The following SCRG1 variants were observed in gnomAD, a reference collection of about 807,000 sequenced individuals.
SCRG1 encodes the protein scrapie-responsive protein 1.
In SCRG1, 3 loss-of-function variants were observed where a neutral mutation model predicts 7.7. The ratio of observed to expected loss-of-function variants is 0.39; its 90% confidence interval spans 0.18 to 1.01. SCRG1 has a LOEUF of 1.01. Ranked by LOEUF, SCRG1 falls within the 50% of genes least tolerant of loss-of-function variation. The pLI is 0.36. For synonymous variants in SCRG1, 46 were observed against 41.2 expected (o/e 1.12, Z -0.44); for missense variants, 110 against 117.2 (o/e 0.94, Z 0.28).
the SCRG1 span, among the ~76,000 whole-genome samples, chr4:173,454,055 G>A: frequency 1.9e-4 from 28 of 147,704 alleles, no homozygotes; most frequent in East Asian, 4.0e-4. Context: ...TCTGGCCTGC[G>A]TGACAGAACG....
chr4:173,450,255 G>T, the SCRG1 span, among the ~76,000 whole-genome samples: 1 of 152,064 alleles, frequency 6.6e-6, no homozygotes, highest in African/African-American at 2.4e-5. Flanking sequence ...GAGGGAAACC[G>T]CCCCCATGAT....
At chr4:173,507,722 C>T in the SCRG1 span, among the ~76,000 whole-genome samples, 1 of 152,144 alleles carries the variant, frequency 6.6e-6, no homozygotes, top group Admixed American at 6.5e-5. The surrounding 1 kb of genome is among the most constrained non-coding windows in gnomAD (Gnocchi z 4.4). Flanking sequence ...CCAACAACCC[C>T]GCAGGATGAG....
In SCRG1 at chr4:173,386,349, C is replaced by T. The variant is rs991481113; in HGVS notation, c.*1992G>A. The T allele has an allele frequency of 4.0e-5, 6 of 149,128 alleles. No individual in the cohort carries two copies. The highest frequency in any genetic ancestry group is 2.1e-4 in the South Asian group (1 of 4,730). 9.2% of individuals were successfully genotyped at this position (149,128 alleles called of 1,614,324 possible). A position where few individuals can be genotyped will look rare whatever the true frequency, so the allele number is the denominator to read the frequency against. On this transcript the variant is annotated 3_prime_UTR_variant, in exon 3 of 3. Transcript: ENST00000296506. ...ATTTTTAGTAGAGACGAGGTTTCACCGTATTAGCCAGGATGGTCTTGATCT... is the reference window on the plus strand; with the variant it reads ...ATTTTTAGTAGAGACGAGGTTTCACTGTATTAGCCAGGATGGTCTTGATCT...
the SCRG1 span, among the ~76,000 whole-genome samples, chr4:173,430,441 A>G: frequency 3.3e-5 from 5 of 152,184 alleles, no homozygotes; most frequent in Non-Finnish European, 7.4e-5. Flanking sequence ...TAGGTTGCAC[A>G]GGAGTCCTAT....
chr4:173,418,794 T>C, the SCRG1 span, among the ~76,000 whole-genome samples: 2 of 152,140 alleles, frequency 1.3e-5, no homozygotes, highest in Non-Finnish European at 2.9e-5. Flanking sequence ...ATGAGATCTG[T>C]TTGTTTAAAA....
chr4:173,388,097 A>G lies in SCRG1; in HGVS notation c.*244T>C. The G allele has an allele frequency of 2.4e-6, 1 of 414,482 alleles. No individual in the cohort carries two copies. 25.7% of individuals were successfully genotyped at this position (414,482 alleles called of 1,614,324 possible). ...AACTCTTTAACTGAGTATAATGAACACCTCATAGATTACATTTTCTAGGCA... is the reference window on the plus strand; with the variant it reads ...AACTCTTTAACTGAGTATAATGAACGCCTCATAGATTACATTTTCTAGGCA... On this transcript the variant is annotated 3_prime_UTR_variant, in exon 3 of 3. Transcript: ENST00000296506.
the SCRG1 span, among the ~76,000 whole-genome samples, chr4:173,476,363 A>AAAAAAAAATATATCTATATATAT: frequency 1.0e-5 from 1 of 98,484 alleles, no homozygotes; most frequent in Non-Finnish European, 2.3e-5. Context: ...GGAAAAAAAA[A>AAAAAAAAATATATCTATATATAT]ATATATATAT....
chr4:173,482,832 A>G, the SCRG1 span, among the ~76,000 whole-genome samples: 1 of 147,388 alleles, frequency 6.8e-6, no homozygotes, highest in Non-Finnish European at 1.5e-5. Flanking sequence ...ACACACATGC[A>G]CACACACATA....
the SCRG1 span, among the ~76,000 whole-genome samples, chr4:173,507,239 T>G: frequency 1.3e-5 from 2 of 152,064 alleles, no homozygotes; most frequent in Non-Finnish European, 2.9e-5. The surrounding 1 kb of genome is among the most constrained non-coding windows in gnomAD (Gnocchi z 4.4). Context: ...AGACAGAGTC[T>G]TGCTCTGTCG....
At chr4:173,476,868 T>C in the SCRG1 span, among the ~76,000 whole-genome samples, 1 of 152,118 alleles carries the variant, frequency 6.6e-6, no homozygotes, top group Admixed American at 6.6e-5. Flanking sequence ...CAGTATTACA[T>C]TCCTTTCAGC....
At chr4:173,458,454 C>T in the SCRG1 span, among the ~76,000 whole-genome samples, 1 of 152,066 alleles carries the variant, frequency 6.6e-6, no homozygotes. Context: ...TTATTACTTT[C>T]TTCCAAACAA....
the SCRG1 span, chr4:173,419,217 G>GA: frequency 2.2e-6 from 1 of 452,786 alleles, no homozygotes; most frequent in Non-Finnish European, 4.1e-6. Context: ...GTCTTTATCT[G>GA]AAAAATCCTC....
chr4:173,389,706 C>CCA (rs1739370821), intron 2 of SCRG1: 2 of 189,364 alleles, frequency 1.1e-5, no homozygotes, highest in Non-Finnish European at 2.3e-5. Flanking sequence ...CTTTGAGAAC[C>CCA]AGCTGGCTTG....
At chr4:173,492,741 T>TACACCTAC in the SCRG1 span, among the ~76,000 whole-genome samples, 14 of 152,228 alleles carry the variant, frequency 9.2e-5, no homozygotes, top group Non-Finnish European at 1.9e-4. Flanking sequence ...AGCCCTCTCG[T>TACACCTAC]ACACCTACAC....
chr4:173,456,477 C>G, the SCRG1 span, among the ~76,000 whole-genome samples: 1 of 152,168 alleles, frequency 6.6e-6, no homozygotes, highest in East Asian at 1.9e-4. Flanking sequence ...CCATTTTTAG[C>G]ATTTCATTTG....
At chr4:173,498,939 G>C in the SCRG1 span, among the ~76,000 whole-genome samples, 1 of 152,326 alleles carries the variant, frequency 6.6e-6, no homozygotes, top group African/African-American at 2.4e-5. Context: ...CCACTAGAAT[G>C]CTGGAAGATT....
chr4:173,461,930 G>A, the SCRG1 span, among the ~76,000 whole-genome samples: 1 of 151,948 alleles, frequency 6.6e-6, no homozygotes. Flanking sequence ...TTGGCATACC[G>A]AGGAATGTAT....
chr4:173,400,304 TGGAC>T (rs374192885), upstream of SCRG1, among the ~76,000 whole-genome samples: 44 of 152,306 alleles, frequency 2.9e-4, no homozygotes, highest in East Asian at 8.5e-3. Flanking sequence ...CTTGGGCCTT[TGGAC>T]GATGATACTG....
chr4:173,495,190 G>A, the SCRG1 span, among the ~76,000 whole-genome samples: 1 of 152,166 alleles, frequency 6.6e-6, no homozygotes, highest in Non-Finnish European at 1.5e-5. Flanking sequence ...ATACGATATC[G>A]TCGTATTAGT....
Sources: allele counts gnomAD v4.1 joint callset (sites outside exome capture counted in the v4.1 genomes callset), GRCh38; gene constraint gnomAD v4.1.1; non-coding constraint Gnocchi (gnomAD v3.1); transcripts MANE v1.5; gene names NCBI Gene and HGNC (gene_info 2026-07-23, HGNC 2026-07-21).